Variants in LRP1B observed in about 807,000 individuals in gnomAD.
The protein encoded by LRP1B is LDL receptor related protein 1B, also known as low-density lipoprotein receptor-related protein 1B.
LRP1B carries 217 observed loss-of-function variants against 556.6 expected under a neutral mutation model. The observed-to-expected ratio is 0.39, with a 90% confidence interval of 0.35 to 0.44. The LOEUF is 0.44. LRP1B is among the 20% of genes least tolerant of loss of function. LRP1B has a pLI of 1.00. For missense variants in LRP1B, 5,053 were observed against 5,620.8 expected (o/e 0.90, Z 3.23); for synonymous variants, 2,047 against 1,865.8 (o/e 1.10, Z -2.50).
chr2:140,490,617 T>C (rs1480367634), intron 57 of LRP1B, among the ~76,000 whole-genome samples: 1 of 152,142 alleles, frequency 6.6e-6, no homozygotes, highest in African/African-American at 2.4e-5. Flanking sequence ...ATTCTGCATA[T>C]GTGGACAGAC....
At chr2:141,045,436 ATTAAT>A (rs1207314812) in intron 11 of LRP1B, among the ~76,000 whole-genome samples, 1 of 55,476 alleles carries the variant, frequency 1.8e-5, no homozygotes, top group African/African-American at 5.3e-5. Flanking sequence ...AAATAAATAA[ATTAAT>A]TAATTAATTA....
At chr2:141,130,785 C>T (rs1701330158) in intron 7 of LRP1B, among the ~76,000 whole-genome samples, 1 of 152,100 alleles carries the variant, frequency 6.6e-6, no homozygotes, top group Admixed American at 6.6e-5. Context: ...AAATATCTAT[C>T]AGTGAAAGAC....
At chr2:140,942,564 G>A (rs146798128) in intron 20 of LRP1B, among the ~76,000 whole-genome samples, 1 of 152,228 alleles carries the variant, frequency 6.6e-6, no homozygotes, top group African/African-American at 2.4e-5. Flanking sequence ...CCTTCAAAGT[G>A]AATCCTATCA....
rs1236627042 is a variant in LRP1B, at chr2:140,357,857, A to G, written c.11395+122T>C. On this transcript the variant is annotated intron_variant, in intron 74 of 90. Coordinates refer to ENST00000389484, the MANE Select transcript of LRP1B (RefSeq NM_018557.3). The stretch of plus-strand genomic sequence containing the variant: ...ATGTTGCTTTGGCAAAGGTTTTTGA[A>G]AAAGGGCATCAGTCAAGCATACTTT... 2.7e-6 allele frequency: 3 copies of G among 1,128,754 alleles called. No individual in the cohort carries two copies. The African/African-American group carries it at 4.6e-5, about 17-fold the overall frequency. The allele number at this position is 1,128,754 out of a possible 1,614,324, so 69.9% of individuals were successfully genotyped here.
In LRP1B at chr2:141,885,537, G is replaced by A. The variant is rs150646260; in HGVS notation, c.83-75136C>T. Among the ~76,000 whole-genome samples the A allele has an allele frequency of 5.1e-4, 77 of 152,306 alleles. 1 individual carries two copies. Among genetic ancestry groups the A allele is most frequent in the African/African-American group, 1.8e-3 (75 of 41,570 alleles). On this transcript the variant is annotated intron_variant, in intron 1 of 90. Transcript: ENST00000389484. ...TGTGGAATGAGCAGACCTTGAAGAG[G>A]TGCTGGCATGGTGGTGGTGCACTTT...
chr2:141,161,451 G>A (rs1309748000), intron 7 of LRP1B, among the ~76,000 whole-genome samples: 1 of 152,008 alleles, frequency 6.6e-6, no homozygotes, highest in African/African-American at 2.4e-5. Flanking sequence ...TGACAGGAAG[G>A]GATAGATAAT....
chr2:141,302,327 G>A (rs1304311572), intron 3 of LRP1B, among the ~76,000 whole-genome samples: 1 of 152,096 alleles, frequency 6.6e-6, no homozygotes, highest in East Asian at 1.9e-4. Flanking sequence ...TGCAAAGCCA[G>A]TACATTATGC....
chr2:140,378,436 C>T (rs1683331696), intron 67 of LRP1B, 150 bp from the exon 68 acceptor site: 3 of 556,706 alleles, frequency 5.4e-6, no homozygotes, highest in Admixed American at 3.5e-5. Flanking sequence ...TCTCATGAAG[C>T]ATCTATGGTA....
At chr2:141,054,980 T>C (rs1368173574) in intron 10 of LRP1B, 136 bp downstream of exon 10, 2 of 799,028 alleles carry the variant, frequency 2.5e-6, no homozygotes, top group African/African-American at 1.8e-5. Context: ...TTGAGAAAAA[T>C]GGACAGTATA....
chr2:141,861,032 G>GT (rs1176252545), intron 1 of LRP1B, among the ~76,000 whole-genome samples: 1 of 152,042 alleles, frequency 6.6e-6, no homozygotes, highest in Non-Finnish European at 1.5e-5. Context: ...AGATAAACAG[G>GT]TTTTACTTTG....
chr2:141,463,064 T>A (rs1363905311), intron 3 of LRP1B, among the ~76,000 whole-genome samples: 4 of 152,222 alleles, frequency 2.6e-5, no homozygotes, highest in Non-Finnish European at 4.4e-5. Flanking sequence ...GACAGTTGGA[T>A]GACCCTTTGT....
At chr2:140,238,347 C>A in intron 88 of LRP1B, 51 bp from the exon 89 acceptor site, 2 of 909,180 alleles carry the variant, frequency 2.2e-6, no homozygotes, top group South Asian at 1.8e-5. Flanking sequence ...ATATCACAAT[C>A]AAGGCATATG....
chr2:141,944,167 C>A (rs1245140448), intron 1 of LRP1B, among the ~76,000 whole-genome samples: 1 of 152,160 alleles, frequency 6.6e-6, no homozygotes. Flanking sequence ...GGTGGGGAGA[C>A]GTTCATCCCA....
At chr2:141,486,902 G>A (rs1010144055) in intron 2 of LRP1B, among the ~76,000 whole-genome samples, 3 of 152,030 alleles carry the variant, frequency 2.0e-5, no homozygotes, top group Admixed American at 1.3e-4. Flanking sequence ...ACTTTCTGCC[G>A]AACTTCTCTC....
At chr2:140,796,329 T>C (rs1333550756) in intron 32 of LRP1B, among the ~76,000 whole-genome samples, 1 of 152,134 alleles carries the variant, frequency 6.6e-6, no homozygotes, top group African/African-American at 2.4e-5. Flanking sequence ...AGTAGTATGA[T>C]ATACTTTGAG....
At chr2:141,487,682 T>C (rs990469560) in intron 2 of LRP1B, among the ~76,000 whole-genome samples, 2 of 152,142 alleles carry the variant, frequency 1.3e-5, no homozygotes, top group African/African-American at 4.8e-5. Flanking sequence ...TTCCCACTCC[T>C]GGATCTTTCT....
chr2:140,492,210 A>G (rs1321318202), intron 57 of LRP1B, among the ~76,000 whole-genome samples: 1 of 152,188 alleles, frequency 6.6e-6, no homozygotes, highest in African/African-American at 2.4e-5. Context: ...AAAATGAACG[A>G]AACTATTATA....
At chr2:141,220,094 A>G (rs1682973692) in intron 6 of LRP1B, among the ~76,000 whole-genome samples, 1 of 152,218 alleles carries the variant, frequency 6.6e-6, no homozygotes, top group African/African-American at 2.4e-5. Flanking sequence ...ATGACCTGAC[A>G]GAATTAGGCT....
chr2:141,598,233 T>C (rs1687594212), intron 2 of LRP1B, among the ~76,000 whole-genome samples: 1 of 152,092 alleles, frequency 6.6e-6, no homozygotes, highest in Non-Finnish European at 1.5e-5. Flanking sequence ...AATACCACAG[T>C]GTCCTTAGTA....
Sources: gnomAD v4.1 joint callset for allele counts (sites outside exome capture counted in the v4.1 genomes callset) on GRCh38, gnomAD v4.1.1 for gene constraint, MANE v1.5 for transcripts, NCBI Gene and HGNC (gene_info 2026-07-23, HGNC 2026-07-21) for gene names.